TMEM165: variants seen among roughly 807,000 people sequenced by gnomAD.
TMEM165 encodes the protein putative divalent cation/proton antiporter TMEM165.
A neutral mutation model predicts 30.0 loss-of-function variants in TMEM165; 19 were observed. That is an observed-to-expected ratio of 0.63 (90% CI 0.44 to 0.93). The LOEUF (loss-of-function observed/expected upper bound fraction) is 0.93, where lower values mean the gene tolerates loss of function less well. TMEM165 is among the 40% of genes least tolerant of loss of function. The pLI, the probability that TMEM165 is intolerant of heterozygous loss-of-function variation, is 0.00. For missense variants in TMEM165, 340 were observed against 417.0 expected, an observed-to-expected ratio of 0.82 and a Z score of 1.61; for synonymous variants, 168 against 162.9, an observed-to-expected ratio of 1.03 and a Z score of -0.24.
exon 4 of TMEM165, chr4:55,452,684 G>T (rs908388193): frequency 5.1e-6 from 1 of 196,510 alleles, no homozygotes; most frequent in African/African-American, 2.4e-5. Context: ...CTTTAGGGAA[G>T]ATTTTTTTTT....
chr4:55,417,014 T>G (rs1721759543), intron 2 of TMEM165, 58 bp from the exon 3 acceptor site: 2 of 1,430,578 alleles, frequency 1.4e-6, no homozygotes, highest in African/African-American at 2.9e-5. Flanking sequence ...CGAAGTTAAC[T>G]GTTCCCTTGG....
At chr4:55,432,109 G>C (rs2109600368) in intron 3 of TMEM165, 1 of 152,308 alleles carries the variant, frequency 6.6e-6, no homozygotes, top group African/African-American at 2.4e-5. Context: ...ACAAAGGAGA[G>C]CACAGCACTG....
intron 3 of TMEM165, among the ~76,000 whole-genome samples, chr4:55,437,235 A>G (rs1410394401): frequency 6.6e-6 from 1 of 152,296 alleles, no homozygotes; most frequent in African/African-American, 2.4e-5. Flanking sequence ...ACAAATTAAG[A>G]CTATATTTAT....
intron 2 of TMEM165, chr4:55,415,164 A>C (rs901339141): frequency 4.6e-5 from 7 of 152,246 alleles, no homozygotes; most frequent in African/African-American, 9.6e-5. Flanking sequence ...TACTTCTTGC[A>C]TATTCACCAG....
chr4:55,404,593 TTTTA>T (rs1721196862), intron 1 of TMEM165, among the ~76,000 whole-genome samples: 20 of 146,308 alleles, frequency 1.4e-4, no homozygotes, highest in Admixed American at 1.3e-3. Flanking sequence ...ACCTGGCTAA[TTTTA>T]TTTATTTTAT....
chr4:55,449,636 C>T (rs1486737321), intron 3 of TMEM165: 2 of 714,510 alleles, frequency 2.8e-6, no homozygotes, highest in Non-Finnish European at 4.9e-6. Context: ...AAGTCCATGA[C>T]AGATGATTCA....
chr4:55,445,008 A>C (rs1202633243), intron 3 of TMEM165, among the ~76,000 whole-genome samples: 2 of 152,122 alleles, frequency 1.3e-5, no homozygotes, highest in Non-Finnish European at 2.9e-5. Flanking sequence ...AAAGTTATCC[A>C]CATCAGTAGG....
At chr4:55,453,153 ATT>A in exon 4 of TMEM165, 1 of 1,582,108 alleles carries the variant, frequency 6.3e-7, no homozygotes, top group South Asian at 1.1e-5. Flanking sequence ...AAATAATCAA[ATT>A]TTAGTGTCTG....
chr4:55,435,576 C>T (rs1722811435), intron 3 of TMEM165: 2 of 1,613,776 alleles, frequency 1.2e-6, no homozygotes, highest in Admixed American at 1.7e-5. Context: ...GAGGGATTCC[C>T]ATGGAGCAAC....
At chr4:55,436,892 CTTTTTT>C (rs35888413) in intron 3 of TMEM165, among the ~76,000 whole-genome samples, 1 of 98,366 alleles carries the variant, frequency 1.0e-5, no homozygotes, top group African/African-American at 3.7e-5. Context: ...TTTGGGATGC[CTTTTTT>C]TTTTTTTTTT....
At chr4:55,417,573 C>A in intron 3 of TMEM165, 1 of 561,408 alleles carries the variant, frequency 1.8e-6, no homozygotes, top group Non-Finnish European at 3.1e-6. Context: ...GTGAGCAGAG[C>A]AGTAAATACT....
chr4:55,400,269 TA>T (rs1395683723), intron 1 of TMEM165, among the ~76,000 whole-genome samples: 30 of 108,960 alleles, frequency 2.8e-4, no homozygotes, highest in African/African-American at 5.2e-4. Context: ...ATATATAATA[TA>T]TAATATAATA....
intron 2 of TMEM165, among the ~76,000 whole-genome samples, chr4:55,412,393 C>CAAAAAAAAAAAAAAAAAAAAA (rs371124857): frequency 1.8e-5 from 1 of 54,366 alleles, no homozygotes; most frequent in African/African-American, 7.6e-5. Context: ...GACTCCATCT[C>CAAAAAAAAAAAAAAAAAAAAA]AAAAAAAAAA....
At chr4:55,422,292 C>T (rs149091666) in intron 4 of TMEM165, among the ~76,000 whole-genome samples, 25 of 152,260 alleles carry the variant, frequency 1.6e-4, no homozygotes, top group African/African-American at 5.3e-4. Flanking sequence ...GAGTCTTGCT[C>T]TGTCACCCAG....
At chr4:55,406,979 T>C (rs556429619) in intron 1 of TMEM165, among the ~76,000 whole-genome samples, 124 of 152,376 alleles carry the variant, frequency 8.1e-4, no homozygotes, top group African/African-American at 2.8e-3. Context: ...TTTGTCTCTT[T>C]ATTACAAATG....
Position 55,421,603 on chromosome 4 carries a change from A to G in TMEM165, c.793-2935A>G, listed in dbSNP as rs538768912. The stretch of plus-strand genomic sequence containing the variant: ...GGCCTAAATATTACTTTCAAATAGA[A>G]CCATCTTCATGGGTAGCAGTTTATA... On this transcript the variant is annotated intron_variant, in intron 4 of 5. Transcript: ENST00000381334. 2.0e-5 allele frequency among the ~76,000 whole-genome samples: 3 copies of G among 152,234 alleles called. No homozygotes were observed. In the South Asian group the frequency reaches 6.2e-4, roughly 32 times the overall value.
exon 4 of TMEM165, chr4:55,453,332 A>G: frequency 1.8e-6 from 1 of 556,252 alleles, no homozygotes; most frequent in East Asian, 2.9e-5. Flanking sequence ...ACACTGCTGT[A>G]AACGATCCAT....
intron 3 of TMEM165, chr4:55,443,715 T>TGATAA: frequency 1.2e-6 from 2 of 1,614,114 alleles, no homozygotes; most frequent in Non-Finnish European, 1.7e-6. Flanking sequence ...TAAAGTCTGT[T>TGATAA]GTTGTATCAT....
downstream of TMEM165, among the ~76,000 whole-genome samples, chr4:55,426,804 G>GGAA (rs1040564517): frequency 1.3e-5 from 2 of 152,166 alleles, no homozygotes; most frequent in African/African-American, 2.4e-5. Flanking sequence ...AACTCTGTGA[G>GGAA]GAAGATGATA....
Sources: allele counts gnomAD v4.1 joint callset (sites outside exome capture counted in the v4.1 genomes callset), GRCh38; gene constraint gnomAD v4.1.1; transcripts MANE v1.5; gene names NCBI Gene and HGNC (gene_info 2026-07-23, HGNC 2026-07-21).